NOD2: variants seen among roughly 807,000 people sequenced by gnomAD.
NOD2 encodes nucleotide-binding oligomerization domain-containing protein 2.
In NOD2, 86 loss-of-function variants were observed where a neutral mutation model predicts 90.9. That is an observed-to-expected ratio of 0.95 (90% CI 0.79 to 1.13). The LOEUF is 1.13. NOD2 is among the 50% of genes most tolerant of loss of function. The pLI is 0.00. For missense variants in NOD2, 1,238 were observed against 1,283.8 expected, an observed-to-expected ratio of 0.96 and a Z score of 0.55; for synonymous variants, 581 against 554.6, an observed-to-expected ratio of 1.05 and a Z score of -0.67.
At chr16:50,704,237 A>G (rs888383101) in intron 2 of NOD2, among the ~76,000 whole-genome samples, 1 of 152,202 alleles carries the variant, frequency 6.6e-6, no homozygotes, top group Non-Finnish European at 1.5e-5. Flanking sequence ...ACAGCCATCA[A>G]CCTGAGATTT....
chr16:50,709,682 A>G (rs1431841150), intron 3 of NOD2, among the ~76,000 whole-genome samples: 1 of 152,090 alleles, frequency 6.6e-6, no homozygotes, highest in African/African-American at 2.4e-5. Flanking sequence ...ATCAATCAGG[A>G]TCATCTCCCC....
At position 50,716,885 on chromosome 16, in the gene NOD2, G is replaced by C. The variant is rs775276363; in HGVS notation, c.2466-6G>C. On this transcript the variant is annotated splice_region_variant and splice_polypyrimidine_tract_variant and intron_variant, in intron 5 of 11. Transcript: ENST00000647318. ...TCTGTGTCTCCTCTCTTCTGGAACT[G>C]AACAGTCTATTCAACAACAAATTGA... is the stretch of plus-strand genomic sequence containing the variant. The C allele has an allele frequency of 3.1e-6, 5 of 1,613,634 alleles. No homozygotes were observed. The highest frequency in any genetic ancestry group is 3.3e-5 in the Admixed American group (2 of 60,010).
Position 50,723,349 on chromosome 16 carries a change from G to A in NOD2, c.2766G>A (p.Leu922=), listed in dbSNP as rs1329661541. 1 of 1,613,994 alleles carries A rather than the reference G, an allele frequency of 6.2e-7. No homozygotes were observed. The highest frequency in any genetic ancestry group is 1.1e-5 in the South Asian group (1 of 91,066). Residue 922 remains leucine (L), a synonymous_variant, in exon 9 of 12, where the codon CTG becomes CTA. Transcript: ENST00000647318. The part of the protein sequence containing the change: ...IGSVGAQALA[L]MLAKNVMLEE... ...GTGTGGGTGCCCAAGCCTTGGCACT[G>A]ATGCTGGCAAAGAACGTCATGCTAG... is the stretch of plus-strand genomic sequence containing the variant.
At chr16:50,695,308 G>A (rs903068814) in intron 1 of NOD2, among the ~76,000 whole-genome samples, 3 of 152,166 alleles carry the variant, frequency 2.0e-5, no homozygotes, top group East Asian at 1.9e-4. Flanking sequence ...TTCAAAGGCC[G>A]TGTCGATAGG....
At chr16:50,704,532 C>CTTTTTTTTTTTTTTTTT (rs71715899) in intron 2 of NOD2, among the ~76,000 whole-genome samples, 1 of 145,574 alleles carries the variant, frequency 6.9e-6, no homozygotes, top group Non-Finnish European at 1.5e-5. Context: ...ATTCCAAAAC[C>CTTTTTTTTTTTTTTTTT]TTTTTTTTTT....
chr16:50,694,528 T>C lies in NOD2; in HGVS notation c.-9+866T>C, dbSNP rs568202120. Among the ~76,000 whole-genome samples the C allele has an allele frequency of 2.0e-5, 3 of 152,266 alleles. No homozygotes were observed. The East Asian group carries it at 5.8e-4, about 29-fold the overall frequency. On this transcript the variant is annotated intron_variant, in intron 1 of 11. Coordinates refer to ENST00000647318, the MANE Select transcript of NOD2 (RefSeq NM_001370466.1). ...CTGGGATCTGAGGCTGGAAGCATCCTCATCCAGCCCACCTCCCTCCTACCC... is the reference window on the plus strand; with the variant it reads ...CTGGGATCTGAGGCTGGAAGCATCCCCATCCAGCCCACCTCCCTCCTACCC...
chr16:50,711,236 T>C lies in NOD2; in HGVS notation c.1244T>C (p.Phe415Ser), dbSNP rs1283324859. ...CTCAGGAAGTACATCCGCACCGAGTTCAACCTCAAGGGCTTCTCTGAACAG... is the reference window on the plus strand; with the variant it reads ...CTCAGGAAGTACATCCGCACCGAGTCCAACCTCAAGGGCTTCTCTGAACAG... ...AFLRKYIRTE[F>S]NLKGFSEQGI... Residue 415 changes from phenylalanine to serine, a missense_variant, in exon 4 of 12, where the codon TTC (phenylalanine) becomes TCC (serine). Coordinates refer to ENST00000647318, the MANE Select transcript of NOD2 (RefSeq NM_001370466.1). The C allele has an allele frequency of 1.2e-6, 2 of 1,614,000 alleles. No homozygotes were observed. The highest frequency in any genetic ancestry group is 1.7e-6 in the Non-Finnish European group (2 of 1,180,030).
chr16:50,706,448 G>T (rs1013239026), intron 2 of NOD2, among the ~76,000 whole-genome samples: 12 of 152,162 alleles, frequency 7.9e-5, no homozygotes, highest in Admixed American at 7.2e-4. Context: ...GGCAGGAACA[G>T]AAGCAGGGGG....
At position 50,710,771 on chromosome 16, in the gene NOD2, AC is replaced by A. The variant is rs1964431434; in HGVS notation, c.781del (p.Leu261SerfsTer89). The A allele has an allele frequency of 1.2e-6, 2 of 1,614,080 alleles. No homozygotes were observed. Among genetic ancestry groups the A allele is most frequent in the South Asian group, 1.1e-5 (1 of 91,082 alleles). On this transcript the variant is annotated frameshift_variant, in exon 4 of 12. Transcript: ENST00000647318. LOFTEE classifies it high-confidence loss of function. Reference protein sequence around the residue: ...GLEELFSTPGHLNDDADTVLV... With the variant: ...GLEELFSTPGXLNDDADTVLV... ...GAGGAGCTCTTCAGCACCCCTGGCC[AC>A]CTCAATGACGATGCGGACACTGTGC...
Position 50,699,790 on chromosome 16 carries a change from C to A in NOD2, c.295C>A (p.His99Asn), listed in dbSNP as rs781448444. Reference protein sequence around the residue: ...SPKLHGCWDPHSLHPARDLQS... With the variant: ...SPKLHGCWDPNSLHPARDLQS... ...CAAGCTGCATGGCTGCTGGGACCCCCACTCGCTCCACCCAGCCCGAGACCT... is the reference window on the plus strand; with the variant it reads ...CAAGCTGCATGGCTGCTGGGACCCCAACTCGCTCCACCCAGCCCGAGACCT... The change falls in exon 2 of 12, where the codon CAC becomes AAC. Residue 99 changes from histidine to asparagine, a missense_variant. By Grantham distance (68) the His-to-Asn change is moderately conservative. Around this residue, in one of 3 missense-constraint regions of NOD2, gnomAD observed 567 missense variants for 577.3 expected, o/e 0.98. Transcript: ENST00000647318. The A allele has an allele frequency of 3.1e-6, 5 of 1,613,806 alleles. No individual in the cohort carries two copies. Among genetic ancestry groups the A allele is most frequent in the Non-Finnish European group, 4.2e-6 (5 of 1,180,030 alleles).
Position 50,711,391 on chromosome 16 carries a change from A to C in NOD2, c.1399A>C (p.Lys467Gln), listed in dbSNP as rs941488890. 1 of 1,613,558 alleles carries C rather than the reference A, an allele frequency of 6.2e-7. No individual in the cohort carries two copies. The highest frequency in any genetic ancestry group is 1.7e-5 in the Admixed American group (1 of 60,010). ...GCCTGTCTTCTCATGGATGGTGTCC[A>C]AATGCCACCAGGAACTGTTGCTGCA... ...HLPVFSWMVS[K>Q]CHQELLLQEG... is the part of the protein sequence containing the mutation. The change falls in exon 4 of 12, where the codon AAA becomes CAA. Residue 467 changes from lysine (K) to glutamine (Q), a missense_variant. By Grantham distance (53) the Lys-to-Gln change is moderately conservative (BLOSUM62 1). This residue lies in a region of NOD2 where 667 missense variants were observed against 688.7 expected (regional missense o/e 0.97). Coordinates refer to ENST00000647318, the MANE Select transcript of NOD2 (RefSeq NM_001370466.1).
chr16:50,720,856 G>A (rs1965021621), intron 7 of NOD2, among the ~76,000 whole-genome samples: 2 of 151,994 alleles, frequency 1.3e-5, no homozygotes, highest in Admixed American at 6.6e-5. Flanking sequence ...CCAGGCTAGA[G>A]TGCAGTGGCA....
chr16:50,703,956 C>T (rs1380752077), intron 2 of NOD2, among the ~76,000 whole-genome samples: 8 of 152,246 alleles, frequency 5.3e-5, no homozygotes, highest in Admixed American at 2.0e-4. Flanking sequence ...CTGCTTTGTA[C>T]AGTCAGTGGT....
rs104895485 is a variant in NOD2, at chr16:50,716,599, C to G, written c.2394C>G (p.Asn798Lys). ...TTTGTCTCTTTAGTTTGCGCGATAACAATATCTCAGACCGAGGCATCTGCA... is the reference window on the plus strand; with the variant it reads ...TTTGTCTCTTTAGTTTGCGCGATAAGAATATCTCAGACCGAGGCATCTGCA... The part of the protein sequence containing the change: ...GVCKALYLRD[N>K]NISDRGICKL... Residue 798 changes from asparagine to lysine, a missense_variant, in exon 5 of 12, where the codon AAC becomes AAG. This residue lies in a region of NOD2 where 667 missense variants were observed against 688.7 expected (regional missense o/e 0.97). Transcript: ENST00000647318. The G allele has an allele frequency of 6.2e-7, 1 of 1,614,066 alleles. No homozygotes were observed. Among genetic ancestry groups the G allele is most frequent in the Non-Finnish European group, 8.5e-7 (1 of 1,179,940 alleles).
In NOD2 at chr16:50,716,915, C is replaced by A; in HGVS notation, c.2490C>A (p.Asp830Glu). The A allele has an allele frequency of 6.2e-7, 1 of 1,614,240 alleles. No individual in the cohort carries two copies. The highest frequency in any genetic ancestry group is 8.5e-7 in the Non-Finnish European group (1 of 1,180,028). The change falls in exon 6 of 12, where the codon GAC becomes GAA. Residue 830 changes from aspartate (D) to glutamate (E), a missense_variant. This residue lies in a region of NOD2 where 667 missense variants were observed against 688.7 expected (regional missense o/e 0.97). Coordinates refer to ENST00000647318, the MANE Select transcript of NOD2 (RefSeq NM_001370466.1). ...KLALFNNKLT[D>E]GCAHSMAKLL... ...GTCTATTCAACAACAAATTGACTGA[C>A]GGCTGTGCACACTCCATGGCTAAGC... is the stretch of plus-strand genomic sequence containing the variant.
At chr16:50,700,507 C>A (rs1325493472) in intron 2 of NOD2, among the ~76,000 whole-genome samples, 2 of 152,216 alleles carry the variant, frequency 1.3e-5, no homozygotes, top group Non-Finnish European at 2.9e-5. Flanking sequence ...TCAAGGTCAA[C>A]CCTGTGTGAT....
In NOD2 at chr16:50,711,267, C is replaced by T. The variant is rs186719861; in HGVS notation, c.1275C>T (p.Ile425=). ...TCAAGGGCTTCTCTGAACAGGGCAT[C>T]GAGCTGTACCTGAGGAAGCGCCATC... ...FNLKGFSEQG[I]ELYLRKRHHE... is the part of the protein sequence containing the mutation. Residue 425 remains isoleucine, a synonymous_variant, in exon 4 of 12, where the codon ATC becomes ATT. Coordinates refer to ENST00000647318, the MANE Select transcript of NOD2 (RefSeq NM_001370466.1). 576 of 1,613,848 alleles carry T rather than the reference C, an allele frequency of 3.6e-4. No homozygotes were observed. The highest frequency in any genetic ancestry group is 4.7e-4 in the Non-Finnish European group (550 of 1,180,028).
intron 6 of NOD2, 89 bp downstream of exon 6, chr16:50,717,063 C>T: frequency 1.8e-6 from 2 of 1,117,220 alleles, no homozygotes; most frequent in South Asian, 1.2e-5. Context: ...GCACTGCCCA[C>T]ACTGGCTCCT....
At position 50,697,269 on chromosome 16, in the gene NOD2, C is replaced by T. The variant is rs376966894; in HGVS notation, c.-8-2219C>T. The T allele has an allele frequency of 2.6e-6, 4 of 1,559,800 alleles. No homozygotes were observed. The African/African-American group carries it at 5.4e-5, about 21-fold the overall frequency. ...ATGGGGGAAGAGGGTGGTTCAGCCT[C>T]TCACGATGAGGAGGAAAGAGCAAGT... On this transcript the variant is annotated intron_variant, in intron 1 of 11. Transcript: ENST00000647318.
Sources: gnomAD v4.1 joint callset for allele counts (sites outside exome capture counted in the v4.1 genomes callset) on GRCh38, gnomAD v4.1.1 for gene constraint, gnomAD v4.1.1 regional missense constraint, MANE v1.5 for transcripts, NCBI Gene and HGNC (gene_info 2026-07-23, HGNC 2026-07-21) for gene names.